The following ZNF48 variants were observed in gnomAD, a reference collection of about 807,000 sequenced individuals.
ZNF48 encodes zinc finger protein 48, also known as zinc finger protein 553.
Under a neutral mutation model 40.0 loss-of-function variants are expected in ZNF48, and 20 were observed. That is an observed-to-expected ratio of 0.50 (90% CI 0.35 to 0.73). The LOEUF is 0.73. Ranked by LOEUF, ZNF48 falls within the 30% of genes least tolerant of loss-of-function variation. The probability of loss-of-function intolerance (pLI) is 0.01; values close to 1 mark genes in which losing one functional copy is unlikely to be tolerated. For missense variants in ZNF48, 726 were observed against 851.9 expected (o/e 0.85, Z 1.84); for synonymous variants, 298 against 329.7 (o/e 0.90, Z 1.04).
Position 30,381,604 on chromosome 16 carries a change from G to A in ZNF48, c.-16+3194G>A. 2 of 1,452,076 alleles carry A rather than the reference G, an allele frequency of 1.4e-6. No homozygotes were observed. Among genetic ancestry groups the A allele is most frequent in the Non-Finnish European group, 1.9e-6 (2 of 1,059,720 alleles). 89.9% of individuals were successfully genotyped at this position (1,452,076 alleles called of 1,614,324 possible). On this transcript the variant is annotated intron_variant, in intron 1 of 2. Transcript: ENST00000528032. The surrounding 1 kb of genome is among the most constrained non-coding windows in gnomAD (Gnocchi z 4.3). Reference sequence around the variant, plus strand: ...AAAGACATTAAGGGGAACTGGTGGGGGCCTAGGTGAGTCATCAAGAAGCAC... The same window carrying A: ...AAAGACATTAAGGGGAACTGGTGGGAGCCTAGGTGAGTCATCAAGAAGCAC...
chr16:30,379,635 T>G, intron 1 of ZNF48: 3 of 519,350 alleles, frequency 5.8e-6, no homozygotes, highest in Non-Finnish European at 6.5e-6. Context: ...TTCCTGCCCC[T>G]TCCTCTTTTT....
chr16:30,398,902 A>G lies in ZNF48; in HGVS notation c.1652A>G (p.Glu551Gly). Residue 551 changes from glutamate (E) to glycine (G), a missense_variant, in exon 3 of 3, where the codon GAG becomes GGG. By Grantham distance (98) the Glu-to-Gly change is moderately conservative. Transcript: ENST00000613509. This position sits in a 1 kb window ranked among gnomAD's most constrained non-coding sequence, Gnocchi z 6.6. The part of the protein sequence containing the change: ...QPHVCGFCGK[E>G]FPRSSDLVKH... ...CACGTGTGTGGCTTCTGTGGGAAGG[A>G]GTTCCCCCGGAGCTCAGATCTGGTC... 6.2e-7 allele frequency: 1 copy of G among 1,613,660 alleles called. No individual in the cohort carries two copies. The highest frequency in any genetic ancestry group is 8.5e-7 in the Non-Finnish European group (1 of 1,179,826).
rs1597021596 is a variant in ZNF48, at chr16:30,397,884, C to T, written c.634C>T (p.Arg212Trp). ...RQSSDLVKHQ[R>W]THTGEKPYKC... ...GAGTTCTGACCTGGTGAAACACCAGCGGACACACACTGGTGAGAAGCCCTA... is the reference window on the plus strand; with the variant it reads ...GAGTTCTGACCTGGTGAAACACCAGTGGACACACACTGGTGAGAAGCCCTA... The change falls in exon 3 of 3, where the codon CGG (arginine) becomes TGG (tryptophan). Residue 212 changes from arginine (R) to tryptophan (W), a missense_variant. Arg to Trp is a moderately radical substitution (Grantham distance 101). Transcript: ENST00000613509. This position sits in a 1 kb window ranked among gnomAD's most constrained non-coding sequence, Gnocchi z 4.1. 2 of 1,613,106 alleles carry T rather than the reference C, an allele frequency of 1.2e-6. No homozygotes were observed. Among genetic ancestry groups the T allele is most frequent in the Non-Finnish European group, 1.7e-6 (2 of 1,179,150 alleles).
At chr16:30,379,841 A>G in intron 1 of ZNF48, 2 of 742,976 alleles carry the variant, frequency 2.7e-6, no homozygotes, top group Non-Finnish European at 4.6e-6. Flanking sequence ...TCCTGACCTC[A>G]GGGGATCCTC....
At position 30,381,216 on chromosome 16, in the gene ZNF48, G is replaced by A. The variant is rs150116343; in HGVS notation, c.-16+2806G>A. 22 of 1,613,918 alleles carry A rather than the reference G, an allele frequency of 1.4e-5. No homozygotes were observed. Among genetic ancestry groups the A allele is most frequent in the East Asian group, 2.2e-5 (1 of 44,892 alleles). ...ATGTTGACTTTCTCGTGTACTGCCC[G>A]GAGGAAGGCCACATCTAGGGGCCGG... is the stretch of plus-strand genomic sequence containing the variant. On this transcript the variant is annotated intron_variant, in intron 1 of 2. Coordinates refer to the ZNF48 transcript ENST00000528032. This position sits in a 1 kb window ranked among gnomAD's most constrained non-coding sequence, Gnocchi z 4.3.
At chr16:30,379,675 G>T (rs1269770281) in intron 1 of ZNF48, 11 of 473,138 alleles carry the variant, frequency 2.3e-5, no homozygotes, top group Non-Finnish European at 3.6e-5. Flanking sequence ...TTGAGACAGG[G>T]TCTCACTCCA....
rs181659413 is a variant in ZNF48 at position 30,396,760 on chromosome 16, G to A, written c.80-570G>A. Among the ~76,000 whole-genome samples the A allele has an allele frequency of 2.5e-4, 35 of 139,756 alleles. No individual in the cohort carries two copies. The Admixed American group carries it at 2.5e-3, about 10-fold the overall frequency. 91.7% of individuals were successfully genotyped at this position (139,756 alleles called of 152,430 possible). The stretch of plus-strand genomic sequence containing the variant: ...CCCAGGCTAGAGTGGCACAATCACA[G>A]CTCACTGCAGCCTCCACCTCCTGGG... On this transcript the variant is annotated intron_variant, in intron 2 of 2. Coordinates refer to ENST00000613509, the MANE Select transcript of ZNF48 (RefSeq NM_001214909.2).
chr16:30,378,871 GGAGAGAGGGAGGGAGGGA>G, intron 1 of ZNF48: 1 of 708,032 alleles, frequency 1.4e-6, no homozygotes, highest in Non-Finnish European at 2.3e-6. Flanking sequence ...AGGGAGAGAC[GGAGAGAGGGAGGGAGGGA>G]GGGAGGGAGG....
chr16:30,383,185 T>G (rs1241748914), intron 1 of ZNF48, among the ~76,000 whole-genome samples: 2 of 152,038 alleles, frequency 1.3e-5, no homozygotes, highest in Non-Finnish European at 2.9e-5. Context: ...CTGTTTCTTT[T>G]TCTTTCTTTC....
At position 30,398,848 on chromosome 16, in the gene ZNF48, G is replaced by A. The variant is rs368795388; in HGVS notation, c.1598G>A (p.Arg533Gln). 1.5e-5 allele frequency: 25 copies of A among 1,613,712 alleles called. No homozygotes were observed. In the East Asian group the frequency reaches 1.8e-4, roughly 12 times the overall value. ...PVPMAPRPRV[R>Q]AQPSGPSQPH... ...CCCATGGCCCCTCGACCCCGAGTTC[G>A]GGCCCAGCCTTCTGGACCCAGCCAG... Residue 533 changes from arginine (R) to glutamine (Q), a missense_variant, in exon 3 of 3, where the codon CGG (arginine) becomes CAG (glutamine). Arg to Gln is a conservative substitution (Grantham distance 43). This residue lies in a region of ZNF48 where 166 missense variants were observed against 163.6 expected (regional missense o/e 1.01). Coordinates refer to ENST00000613509, the MANE Select transcript of ZNF48 (RefSeq NM_001214909.2). This position sits in a 1 kb window ranked among gnomAD's most constrained non-coding sequence, Gnocchi z 6.6.
chr16:30,399,018 C>T lies in ZNF48; in HGVS notation c.1768C>T (p.Gln590Ter), dbSNP rs769376175. The T allele has an allele frequency of 1.2e-6, 2 of 1,613,930 alleles. No individual in the cohort carries two copies. Among genetic ancestry groups the T allele is most frequent in the Non-Finnish European group, 1.7e-6 (2 of 1,179,954 alleles). ...TGACAGTTCTGCCCGCATCAAGCAC[C>T]AGCGTGGGCACCTGGTCCTGACGCC... is the stretch of plus-strand genomic sequence containing the variant. The part of the protein sequence containing the change: ...FGDSSARIKH[Q>*]RGHLVLTPFG... Residue 590 changes from glutamine to a stop codon, truncating the protein, a stop_gained, in exon 3 of 3, where the codon CAG (glutamine) becomes TAG (stop). Coordinates refer to ENST00000613509, the MANE Select transcript of ZNF48 (RefSeq NM_001214909.2). LOFTEE classifies it high-confidence loss of function.
chr16:30,382,926 C>A lies in ZNF48; in HGVS notation c.-16+4516C>A. 2 of 774,706 alleles carry A rather than the reference C, an allele frequency of 2.6e-6. No individual in the cohort carries two copies. The highest frequency in any genetic ancestry group is 1.5e-5 in the South Asian group (1 of 65,406). 48.0% of individuals were successfully genotyped at this position (774,706 alleles called of 1,614,324 possible). ...AGGTGGCTCTCGCCTGTAATCTCAG[C>A]ACTTTGGGAGGCGGAGGAGGGAGGA... On this transcript the variant is annotated intron_variant, in intron 1 of 2. Transcript: ENST00000528032. The surrounding 1 kb of genome is among the most constrained non-coding windows in gnomAD (Gnocchi z 4.8).
In ZNF48 at chr16:30,397,511, G is replaced by T; in HGVS notation, c.261G>T (p.Lys87Asn). The T allele has an allele frequency of 1.2e-6, 2 of 1,614,160 alleles. No homozygotes were observed. The highest frequency in any genetic ancestry group is 1.7e-6 in the Non-Finnish European group (2 of 1,180,018). Residue 87 changes from lysine (K) to asparagine (N), a missense_variant, in exon 3 of 3, where the codon AAG becomes AAT. Lys to Asn is a moderately conservative substitution (Grantham distance 94). Coordinates refer to ENST00000613509, the MANE Select transcript of ZNF48 (RefSeq NM_001214909.2). The surrounding 1 kb of genome is among the most constrained non-coding windows in gnomAD (Gnocchi z 4.1). The part of the protein sequence containing the change: ...DLWVQREGLG[K>N]PQPRDRGPRL... ...GGGTCCAGAGAGAGGGTCTAGGAAA[G>T]CCTCAGCCTCGGGACAGAGGCCCCC...
At chr16:30,389,830 T>TTTTTG in intron 1 of ZNF48, among the ~76,000 whole-genome samples, 1 of 107,684 alleles carries the variant, frequency 9.3e-6, no homozygotes, top group Non-Finnish European at 1.8e-5. Context: ...TTTTTTTTTT[T>TTTTTG]TTTTTTTTTT....
At chr16:30,394,132 G>C (rs1344599480), upstream of ZNF48, among the ~76,000 whole-genome samples, 1 of 152,004 alleles carries the variant, frequency 6.6e-6, no homozygotes, top group East Asian at 1.9e-4. Context: ...TGAATGCCCA[G>C]GTTCAGGGAA....
chr16:30,399,149 G>A lies in ZNF48; in HGVS notation c.*42G>A. 1 of 1,507,902 alleles carries A rather than the reference G, an allele frequency of 6.6e-7. No individual in the cohort carries two copies. The highest frequency in any genetic ancestry group is 8.9e-7 in the Non-Finnish European group (1 of 1,129,532). 93.4% of individuals were successfully genotyped at this position (1,507,902 alleles called of 1,614,324 possible). A position where few individuals can be genotyped will look rare whatever the true frequency, so the allele number is the denominator to read the frequency against. On this transcript the variant is annotated 3_prime_UTR_variant, in exon 3 of 3. Transcript: ENST00000613509. ...CGGAGGCCCAGGAGACCAAAGGGAG[G>A]GGCTCTGCCGCTTAGCAGAGAAGAA...
rs1194623157 is a variant in ZNF48 at position 30,398,358 on chromosome 16, C to T, written c.1108C>T (p.Leu370Phe). 6 of 1,613,464 alleles carry T rather than the reference C, an allele frequency of 3.7e-6. No individual in the cohort carries two copies. The highest frequency in any genetic ancestry group is 5.1e-6 in the Non-Finnish European group (6 of 1,179,876). Residue 370 changes from leucine (L) to phenylalanine (F), a missense_variant, in exon 3 of 3, where the codon CTC becomes TTC. Transcript: ENST00000613509. This position sits in a 1 kb window ranked among gnomAD's most constrained non-coding sequence, Gnocchi z 6.6. Reference protein sequence around the residue: ...ACPECDRTFSLSSTLLRHRLT... With the variant: ...ACPECDRTFSFSSTLLRHRLT... ...CCCGGAATGCGACCGTACCTTCAGC[C>T]TCAGCTCCACCCTTCTTCGCCACCG...
intron 1 of ZNF48, among the ~76,000 whole-genome samples, chr16:30,385,203 TAATAA>T (rs1180700416): frequency 1.4e-4 from 20 of 145,344 alleles, no homozygotes; most frequent in African/African-American, 5.1e-4. Flanking sequence ...ATAATAATAA[TAATAA>T]TAATAATAAT....
At chr16:30,391,586 C>G (rs761233891), upstream of ZNF48, among the ~76,000 whole-genome samples, 1 of 151,584 alleles carries the variant, frequency 6.6e-6, no homozygotes, top group Non-Finnish European at 1.5e-5. Flanking sequence ...ACCTCCGGCT[C>G]GCGAGTTCAA....
Sources: gnomAD v4.1 joint callset for allele counts (sites outside exome capture counted in the v4.1 genomes callset) on GRCh38, gnomAD v4.1.1 for gene constraint, gnomAD v4.1.1 regional missense constraint, Gnocchi (gnomAD v3.1) non-coding constraint, MANE v1.5 for transcripts, NCBI Gene and HGNC (gene_info 2026-07-23, HGNC 2026-07-21) for gene names.